The following SLC26A5 variants were observed in gnomAD, a reference collection of about 807,000 sequenced individuals.
SLC26A5 encodes solute carrier family 26 member 5, also known as prestin.
A neutral mutation model predicts 81.0 loss-of-function variants in SLC26A5; 51 were observed. The observed-to-expected ratio is 0.63, with a 90% CI of 0.50 to 0.80. The LOEUF is 0.80. SLC26A5 is among the 30% of genes least tolerant of loss of function. The probability of loss-of-function intolerance (pLI) is 0.00; values close to 1 mark genes in which losing one functional copy is unlikely to be tolerated. For missense variants in SLC26A5, 771 were observed against 905.8 expected (o/e 0.85, Z 1.91); for synonymous variants, 325 against 332.8 (o/e 0.98, Z 0.25).
chr7:103,380,421 T>A (rs1465314943), intron 15 of SLC26A5, 59 bp downstream of exon 15: 2 of 1,408,834 alleles, frequency 1.4e-6, no homozygotes, highest in Non-Finnish European at 2.0e-6. Flanking sequence ...GTAAAAACAG[T>A]ACTTAGCCAA....
chr7:103,398,113 C>A, intron 8 of SLC26A5, 99 bp from the exon 9 acceptor site: 3 of 905,146 alleles, frequency 3.3e-6, no homozygotes, highest in South Asian at 1.3e-5. Context: ...AATCTATTCT[C>A]ACTTTTAACA....
chr7:103,407,838 G>A lies in SLC26A5; in HGVS notation c.888+13C>T, dbSNP rs549610962. 1.5e-5 allele frequency: 25 copies of A among 1,613,706 alleles called. No homozygotes were observed. Among genetic ancestry groups the A allele is most frequent in the East Asian group, 2.2e-5 (1 of 44,892 alleles). On this transcript the variant is annotated intron_variant, in intron 8 of 19. Transcript: ENST00000306312. ...GTAGAAGCCGAGTAGGTCACTGACC[G>A]AAGGTGACTTACCGCAAAGAACTCT...
chr7:103,366,996 G>C (rs186268419), intron 19 of SLC26A5, among the ~76,000 whole-genome samples: 16 of 152,108 alleles, frequency 1.1e-4, no homozygotes, highest in African/African-American at 3.9e-4. Context: ...GTAGAGACGT[G>C]GTTTCACCAT....
In SLC26A5 at chr7:103,367,932, A is replaced by G. The variant is rs1461546339; in HGVS notation, c.2041+8876T>C. The G allele has an allele frequency of 6.2e-7, 1 of 1,614,068 alleles. No individual in the cohort carries two copies. The highest frequency in any genetic ancestry group is 8.5e-7 in the Non-Finnish European group (1 of 1,180,010). ...TAGAAGCGTCTGCACAGAGGCTGGT[A>G]TGTTTGCCATCAGAGCACGGCGAAA... On this transcript the variant is annotated intron_variant, in intron 19 of 19. Transcript: ENST00000339444. This position sits in a 1 kb window ranked among gnomAD's most constrained non-coding sequence, Gnocchi z 6.1.
intron 10 of SLC26A5, among the ~76,000 whole-genome samples, chr7:103,392,574 GTTAT>G (rs1174013751): frequency 2.0e-5 from 3 of 152,214 alleles, no homozygotes; most frequent in East Asian, 1.9e-4. Flanking sequence ...ACCGACCTTG[GTTAT>G]TTATTTATTT....
intron 14 of SLC26A5, among the ~76,000 whole-genome samples, chr7:103,388,362 A>G (rs1298771826): frequency 3.3e-5 from 5 of 151,502 alleles, no homozygotes; most frequent in Non-Finnish European, 5.9e-5. Flanking sequence ...AAGCCTGGCT[A>G]ATTTTTTTTT....
At chr7:103,364,967 A>G (rs1205584726) in intron 19 of SLC26A5, among the ~76,000 whole-genome samples, 11 of 141,680 alleles carry the variant, frequency 7.8e-5, no homozygotes, top group Non-Finnish European at 1.4e-4. Flanking sequence ...ACATATATAT[A>G]TATATATATA....
In SLC26A5 at chr7:103,361,556, A is replaced by G. The variant is rs538996342; in HGVS notation, c.2042-8630T>C. Among the ~76,000 whole-genome samples the G allele has an allele frequency of 5.9e-5, 9 of 151,742 alleles. No individual in the cohort carries two copies. The South Asian group carries it at 1.7e-3, about 28-fold the overall frequency. On this transcript the variant is annotated intron_variant, in intron 19 of 19. Coordinates refer to the SLC26A5 transcript ENST00000339444. ...AAAGAAAAACGGATTTAAAGTATAA[A>G]CTCAGGAAAAGAATGAAAACCCATT... is the stretch of plus-strand genomic sequence containing the variant.
At chr7:103,441,011 G>C (rs182667731) in intron 2 of SLC26A5, among the ~76,000 whole-genome samples, 1 of 152,298 alleles carries the variant, frequency 6.6e-6, no homozygotes, top group Non-Finnish European at 1.5e-5. Context: ...AGGGAATCAA[G>C]GGCCATAAGC....
chr7:103,353,903 T>C (rs1819873822), intron 19 of SLC26A5: 7 of 1,597,326 alleles, frequency 4.4e-6, no homozygotes, highest in East Asian at 2.2e-5. Context: ...ATCTCACGTA[T>C]TGTCTCTCTT....
chr7:103,429,409 A>C (rs117838228), intron 2 of SLC26A5, among the ~76,000 whole-genome samples: 2,065 of 152,338 alleles, frequency 0.014, 18 homozygotes, highest in Non-Finnish European at 0.022. Flanking sequence ...CAACAAAAAT[A>C]AATTTTACTA....
At chr7:103,411,668 G>A in intron 5 of SLC26A5, 82 bp from the exon 6 acceptor site, 1 of 1,478,022 alleles carries the variant, frequency 6.8e-7, no homozygotes, top group South Asian at 1.1e-5. Flanking sequence ...AGAGACAAAG[G>A]TGAGGTCAAG....
chr7:103,379,247 C>G lies in SLC26A5; in HGVS notation c.1673G>C (p.Arg558Pro), dbSNP rs530952295. 6.2e-7 allele frequency: 1 copy of G among 1,604,832 alleles called. No homozygotes were observed. Among genetic ancestry groups the G allele is most frequent in the Non-Finnish European group, 8.5e-7 (1 of 1,171,818 alleles). ...NSDLYSNALK[R>P]KTGVNPAVIM... ...AATCAATTTCTCATGACTCACCTTT[C>G]GTTTTAATGCATTGCTATACAAGTC... The change falls in exon 16 of 20, where the codon CGA (arginine) becomes CCA (proline). Residue 558 changes from arginine to proline, a missense_variant. Arg to Pro is a moderately radical substitution (Grantham distance 103). Coordinates refer to ENST00000306312, the MANE Select transcript of SLC26A5 (RefSeq NM_198999.3).
At position 103,367,869 on chromosome 7, in the gene SLC26A5, G is replaced by A. The variant is rs1563498568; in HGVS notation, c.2041+8939C>T. 1 of 1,611,930 alleles carries A rather than the reference G, an allele frequency of 6.2e-7. No homozygotes were observed. Among genetic ancestry groups the A allele is most frequent in the Admixed American group, 1.7e-5 (1 of 59,520 alleles). The stretch of plus-strand genomic sequence containing the variant: ...TGTCTGCTCAGGCTGCTTTAATTAA[G>A]CCCGTTTATTTTCTTTTTGTTTGAA... On this transcript the variant is annotated intron_variant, in intron 19 of 19. Coordinates refer to the SLC26A5 transcript ENST00000339444. The surrounding 1 kb of genome is among the most constrained non-coding windows in gnomAD (Gnocchi z 6.1).
At chr7:103,409,929 G>C (rs35826349) in intron 7 of SLC26A5, among the ~76,000 whole-genome samples, 1 of 151,970 alleles carries the variant, frequency 6.6e-6, no homozygotes, top group African/African-American at 2.4e-5. Context: ...GGATAGTCTC[G>C]ATCTCCTGAC....
chr7:103,368,103 T>C, intron 19 of SLC26A5: 2 of 1,501,088 alleles, frequency 1.3e-6, no homozygotes, highest in Non-Finnish European at 9.0e-7. Context: ...CCTAACCTTA[T>C]ATAGACTTGT....
At chr7:103,381,841 A>G (rs1352115862) in intron 14 of SLC26A5, among the ~76,000 whole-genome samples, 2 of 151,422 alleles carry the variant, frequency 1.3e-5, no homozygotes, top group African/African-American at 4.9e-5. Flanking sequence ...CAACACACAC[A>G]TGCATATACA....
rs188655056 is a variant in SLC26A5, at chr7:103,380,801, C to T, written c.1515-252G>A. ...ACACACATACATACCACACATGATA[C>T]GCACACACCATGTACACCTCATACT... On this transcript the variant is annotated intron_variant, in intron 14 of 19. Transcript: ENST00000306312. Among the ~76,000 whole-genome samples, 1,056 of 151,248 alleles carry T rather than the reference C, an allele frequency of 7.0e-3. 21 individuals carry two copies. Among genetic ancestry groups the T allele is most frequent in the African/African-American group, 0.023 (961 of 41,130 alleles).
At chr7:103,388,175 C>T (rs1427606090) in intron 14 of SLC26A5, among the ~76,000 whole-genome samples, 1 of 148,744 alleles carries the variant, frequency 6.7e-6, no homozygotes, top group Admixed American at 6.7e-5. Context: ...GTGTTAGCTA[C>T]TGTGCCCAGC....
Sources: gnomAD v4.1 joint callset for allele counts (sites outside exome capture counted in the v4.1 genomes callset) on GRCh38, gnomAD v4.1.1 for gene constraint, Gnocchi (gnomAD v3.1) non-coding constraint, MANE v1.5 for transcripts, NCBI Gene and HGNC (gene_info 2026-07-23, HGNC 2026-07-21) for gene names.